UNC13C: variants seen among roughly 807,000 people sequenced by gnomAD.
UNC13C encodes the protein protein unc-13 homolog C.
UNC13C carries 174 observed loss-of-function variants against 245.4 expected under a neutral mutation model. The observed-to-expected ratio is 0.71, with a 90% CI of 0.63 to 0.80. UNC13C has a LOEUF of 0.80. UNC13C is among the 30% of genes least tolerant of loss of function. The probability of loss-of-function intolerance (pLI) is 0.00; values close to 1 mark genes in which losing one functional copy is unlikely to be tolerated. For missense variants in UNC13C, 2,829 were observed against 2,602.9 expected (o/e 1.09, Z -1.89); for synonymous variants, 992 against 895.1 (o/e 1.11, Z -1.93).
At chr15:54,297,738 A>T in intron 11 of UNC13C, 73 bp from the exon 12 acceptor site, 9 of 1,138,662 alleles carry the variant, frequency 7.9e-6, no homozygotes, top group East Asian at 2.6e-5. Flanking sequence ...TTTGTTTTTT[A>T]GCTTTTGAGA....
chr15:54,098,299 T>C (rs1899983172), intron 2 of UNC13C, among the ~76,000 whole-genome samples: 1 of 152,264 alleles, frequency 6.6e-6, no homozygotes, highest in Admixed American at 6.5e-5. Flanking sequence ...CTCAGTCTCC[T>C]GAGTAGCTGG....
rs368221184 is a variant in UNC13C at position 54,366,975 on chromosome 15, C to A, written c.4714-26073C>A. Among the ~76,000 whole-genome samples, 47 of 152,252 alleles carry A rather than the reference C, an allele frequency of 3.1e-4. No individual in the cohort carries two copies. The East Asian group carries it at 9.0e-3, about 29-fold the overall frequency. On this transcript the variant is annotated intron_variant, in intron 17 of 32. Coordinates refer to ENST00000260323, the MANE Select transcript of UNC13C (RefSeq NM_001080534.3). ...GAGCTCTCACACAACTGTCTTCTCA[C>A]AGGAAAACTGGATGGCTGTCATTGA...
intron 30 of UNC13C, 88 bp from the exon 31 acceptor site, chr15:54,622,239 A>T: frequency 2.3e-6 from 2 of 877,284 alleles, no homozygotes; most frequent in Non-Finnish European, 3.9e-6. Flanking sequence ...TTCCAATAAT[A>T]CATTTTATGT....
intron 19 of UNC13C, among the ~76,000 whole-genome samples, chr15:54,481,569 G>C (rs890978347): frequency 6.6e-6 from 1 of 152,148 alleles, no homozygotes; most frequent in Non-Finnish European, 1.5e-5. Context: ...TGCAGCAGCA[G>C]TGGCTTTCAG....
At chr15:54,378,680 G>C (rs1434200052) in intron 17 of UNC13C, among the ~76,000 whole-genome samples, 1 of 151,412 alleles carries the variant, frequency 6.6e-6, no homozygotes, top group Non-Finnish European at 1.5e-5. Flanking sequence ...TTAATTCTTT[G>C]CCCAAATTTA....
intron 10 of UNC13C, among the ~76,000 whole-genome samples, chr15:54,269,337 T>G (rs2036627499): frequency 6.6e-6 from 1 of 152,106 alleles, no homozygotes; most frequent in Admixed American, 6.6e-5. Flanking sequence ...TGGTCCCTGT[T>G]AATCCCTCTT....
intron 30 of UNC13C, among the ~76,000 whole-genome samples, chr15:54,575,450 G>T (rs748770579): frequency 1.3e-5 from 2 of 151,826 alleles, no homozygotes; most frequent in Non-Finnish European, 2.9e-5. Context: ...CTATATTCCA[G>T]AAGTAGAAAA....
intron 17 of UNC13C, among the ~76,000 whole-genome samples, chr15:54,377,591 A>G (rs1229188231): frequency 2.0e-5 from 3 of 152,234 alleles, no homozygotes; most frequent in African/African-American, 7.2e-5. Flanking sequence ...TGGGTAATTT[A>G]TAAGCAACAG....
At chr15:54,183,162 A>G (rs2141306819) in intron 4 of UNC13C, among the ~76,000 whole-genome samples, 1 of 151,876 alleles carries the variant, frequency 6.6e-6, no homozygotes, top group African/African-American at 2.4e-5. Flanking sequence ...GGGAAAATGA[A>G]TATCAAGTAG....
At chr15:54,455,238 T>TC (rs1416569966) in intron 19 of UNC13C, among the ~76,000 whole-genome samples, 1 of 70,142 alleles carries the variant, frequency 1.4e-5, no homozygotes, top group African/African-American at 5.0e-5. Flanking sequence ...TATATATATA[T>TC]GTTTTTTAAT....
chr15:54,594,590 G>T (rs1167215562), intron 30 of UNC13C, among the ~76,000 whole-genome samples: 1 of 152,130 alleles, frequency 6.6e-6, no homozygotes, highest in Non-Finnish European at 1.5e-5. Context: ...GAGTCATGCA[G>T]GTTGTCAGGG....
At chr15:54,581,081 G>C (rs1011192848) in intron 30 of UNC13C, among the ~76,000 whole-genome samples, 6 of 152,200 alleles carry the variant, frequency 3.9e-5, no homozygotes, top group African/African-American at 1.4e-4. Context: ...ATCCAGGGTA[G>C]TTTATGCTAG....
At chr15:54,249,248 C>T (rs115348822) in intron 7 of UNC13C, among the ~76,000 whole-genome samples, 14 of 150,168 alleles carry the variant, frequency 9.3e-5, no homozygotes, top group African/African-American at 3.4e-4. Flanking sequence ...TTTTTTTTTA[C>T]ATCCAGCATC....
chr15:54,095,705 C>G (rs955483063), intron 2 of UNC13C, among the ~76,000 whole-genome samples: 1 of 152,096 alleles, frequency 6.6e-6, no homozygotes, highest in Non-Finnish European at 1.5e-5. Flanking sequence ...TTAGAGTACT[C>G]GGACGAAACA....
chr15:53,874,672 G>A, the UNC13C span, among the ~76,000 whole-genome samples: 5,387 of 152,178 alleles, frequency 0.035, 142 homozygotes, highest in Middle Eastern at 0.054. Context: ...TCAATACATA[G>A]CTCAATACCT....
At chr15:54,065,083 A>G (rs952451551) in intron 2 of UNC13C, among the ~76,000 whole-genome samples, 3 of 152,176 alleles carry the variant, frequency 2.0e-5, no homozygotes, top group African/African-American at 7.2e-5. Flanking sequence ...TGCAAACCAG[A>G]CTGTCTTTCT....
chr15:54,602,597 T>C (rs1899498867), intron 30 of UNC13C, among the ~76,000 whole-genome samples: 1 of 152,220 alleles, frequency 6.6e-6, no homozygotes, highest in Middle Eastern at 3.2e-3. Flanking sequence ...TAATAGATCT[T>C]ATGTTTAAGT....
At chr15:54,327,223 T>C (rs1292595287) in intron 14 of UNC13C, among the ~76,000 whole-genome samples, 1 of 152,076 alleles carries the variant, frequency 6.6e-6, no homozygotes, top group Non-Finnish European at 1.5e-5. Context: ...TTAATATTTT[T>C]GAGCTGTTTA....
intron 21 of UNC13C, 125 bp downstream of exon 21, chr15:54,500,300 A>G: frequency 1.4e-6 from 1 of 729,758 alleles, no homozygotes; most frequent in Non-Finnish European, 2.3e-6. Context: ...ACCAAAATTA[A>G]TTTAAAACAC....
Sources: gnomAD v4.1 joint callset for allele counts (sites outside exome capture counted in the v4.1 genomes callset) on GRCh38, gnomAD v4.1.1 for gene constraint, MANE v1.5 for transcripts, NCBI Gene and HGNC (gene_info 2026-07-23, HGNC 2026-07-21) for gene names.